Variants in SDR42E1 observed in about 807,000 individuals in gnomAD.
SDR42E1 encodes the protein short chain dehydrogenase/reductase family 42E, member 1.
Under a neutral mutation model 2.6 loss-of-function variants are expected in SDR42E1, and 5 were observed. That is an observed-to-expected ratio of 1.94 (90% confidence interval 1.01 to 4.08). The LOEUF is 4.08. Among genes scored for constraint, SDR42E1 ranks in the 30% most tolerant of loss-of-function variants. SDR42E1 has a pLI of 0.00. For missense variants in SDR42E1, 596 were observed against 478.6 expected, an observed-to-expected ratio of 1.25 and a Z score of -2.29; for synonymous variants, 231 against 188.3, an observed-to-expected ratio of 1.23 and a Z score of -1.86.
At chr16:82,008,008 G>C (rs9926634) in intron 1 of SDR42E1, 3 of 152,044 alleles carry the variant, frequency 2.0e-5, no homozygotes, top group Non-Finnish European at 4.4e-5. Context: ...GGAGGGACCC[G>C]GTAGGAGGTA....
chr16:81,988,965 T>C lies in SDR42E1; in HGVS notation c.*10146A>G, dbSNP rs1002302946. 6.6e-6 allele frequency: 1 copy of C among 152,240 alleles called. No homozygotes were observed. Among genetic ancestry groups the C allele is most frequent in the Admixed American group, 6.5e-5 (1 of 15,282 alleles). The allele number at this position is 152,240 out of a possible 1,614,324, so 9.4% of individuals were successfully genotyped here. Reference sequence around the variant, plus strand: ...TATTCTAGTACAAAATGAGATTTTTTCCCCTCAAAATCAGTTCACAATAAC... The same window carrying C: ...TATTCTAGTACAAAATGAGATTTTTCCCCCTCAAAATCAGTTCACAATAAC... On this transcript the variant is annotated 3_prime_UTR_variant, in exon 3 of 3. Coordinates refer to ENST00000328945, the MANE Select transcript of SDR42E1 (RefSeq NM_145168.3).
chr16:82,002,593 A>G (rs1392568944), intron 1 of SDR42E1, among the ~76,000 whole-genome samples: 1 of 152,146 alleles, frequency 6.6e-6, no homozygotes, highest in African/African-American at 2.4e-5. Context: ...CAGTAAATAA[A>G]CTTGCCCAAG....
chr16:81,998,880 C>G lies in SDR42E1; in HGVS notation c.*231G>C. 1 of 561,238 alleles carries G rather than the reference C, an allele frequency of 1.8e-6. No homozygotes were observed. Among genetic ancestry groups the G allele is most frequent in the Non-Finnish European group, 3.1e-6 (1 of 321,738 alleles). 34.8% of individuals were successfully genotyped at this position (561,238 alleles called of 1,614,324 possible). A position where few individuals can be genotyped will look rare whatever the true frequency, so the allele number is the denominator to read the frequency against. On this transcript the variant is annotated 3_prime_UTR_variant, in exon 3 of 3. Coordinates refer to ENST00000328945, the MANE Select transcript of SDR42E1 (RefSeq NM_145168.3). The stretch of plus-strand genomic sequence containing the variant: ...TGACTTCTATTGTACCCACCTAAAA[C>G]AGAAGCACATAACAAATCAAATTTC...
rs1336377266 is a variant in SDR42E1 at position 81,999,096 on chromosome 16, T to C, written c.*15A>G. ...ATCTCAGCCAACTGTGATCACCTTA[T>C]TTCTGGCCCCTCCTTCACAGTGACA... On this transcript the variant is annotated 3_prime_UTR_variant, in exon 3 of 3. Coordinates refer to ENST00000328945, the MANE Select transcript of SDR42E1 (RefSeq NM_145168.3). The C allele has an allele frequency of 3.1e-6, 5 of 1,609,092 alleles. No individual in the cohort carries two copies. The highest frequency in any genetic ancestry group is 4.2e-6 in the Non-Finnish European group (5 of 1,177,892).
chr16:82,001,032 A>G, intron 1 of SDR42E1, 148 bp from the exon 2 acceptor site: 2 of 565,224 alleles, frequency 3.5e-6, no homozygotes, highest in Non-Finnish European at 6.2e-6. Context: ...TCATTTAGCT[A>G]CTTTCCCTTC....
At chr16:82,001,181 C>T (rs1448032265) in intron 1 of SDR42E1, among the ~76,000 whole-genome samples, 4 of 152,148 alleles carry the variant, frequency 2.6e-5, no homozygotes, top group Non-Finnish European at 5.9e-5. Flanking sequence ...ACGTTTCGAA[C>T]ATAAGGCATT....
Position 81,999,683 on chromosome 16 carries a change from T to A in SDR42E1, c.610A>T (p.Ile204Phe). ...ACAAACTTGAACAGACCCTTCTCGATGTAGCTGACTATCCTGGGAAGGTGT... is the reference window on the plus strand; with the variant it reads ...ACAAACTTGAACAGACCCTTCTCGAAGTAGCTGACTATCCTGGGAAGGTGT... The part of the protein sequence containing the change: ...QRHLPRIVSY[I>F]EKGLFKFVYG... Residue 204 changes from isoleucine to phenylalanine, a missense_variant, in exon 3 of 3, where the codon ATC (isoleucine) becomes TTC (phenylalanine). Ile to Phe is a conservative substitution (Grantham distance 21). Coordinates refer to ENST00000328945, the MANE Select transcript of SDR42E1 (RefSeq NM_145168.3). 2 of 1,614,220 alleles carry A rather than the reference T, an allele frequency of 1.2e-6. 1 individual carries two copies. The highest frequency in any genetic ancestry group is 2.2e-5 in the South Asian group (2 of 91,090).
intron 1 of SDR42E1, among the ~76,000 whole-genome samples, chr16:82,004,864 G>A (rs970177114): frequency 1.3e-5 from 2 of 152,246 alleles, no homozygotes; most frequent in Non-Finnish European, 2.9e-5. Flanking sequence ...TGAAATCAGG[G>A]TGAGGGCTGG....
chr16:81,996,475 G>T lies in SDR42E1; in HGVS notation c.*2636C>A, dbSNP rs1912544423. On this transcript the variant is annotated 3_prime_UTR_variant, in exon 3 of 3. Coordinates refer to ENST00000328945, the MANE Select transcript of SDR42E1 (RefSeq NM_145168.3). ...GTGGAGATATTTACTAAGGAAGGGA[G>T]CCCTGTAAGAATTTGGGGTGGGAGA... The T allele has an allele frequency of 6.6e-6, 1 of 152,188 alleles. No homozygotes were observed. Among genetic ancestry groups the T allele is most frequent in the African/African-American group, 2.4e-5 (1 of 41,418 alleles). The allele number at this position is 152,188 out of a possible 1,614,324, so 9.4% of individuals were successfully genotyped here.
Position 82,000,785 on chromosome 16 carries a change from A to C in SDR42E1, c.68+6T>G, listed in dbSNP as rs1597177033. ...TTCCATGTGTATATTTTATAGATAC[A>C]CTTACCGAAAACCAAAATAGCCACT... On this transcript the variant is annotated splice_donor_region_variant and intron_variant, in intron 2 of 2. Transcript: ENST00000328945. The C allele has an allele frequency of 1.9e-6, 3 of 1,602,880 alleles. No individual in the cohort carries two copies. Among genetic ancestry groups the C allele is most frequent in the Non-Finnish European group, 1.7e-6 (2 of 1,170,692 alleles).
At position 81,999,585 on chromosome 16, in the gene SDR42E1, T is replaced by C. The variant is rs1392730938; in HGVS notation, c.708A>G (p.Ser236=). The C allele has an allele frequency of 6.2e-7, 1 of 1,614,034 alleles. No homozygotes were observed. The highest frequency in any genetic ancestry group is 8.5e-7 in the Non-Finnish European group (1 of 1,180,032). The change falls in exon 3 of 3, where the codon TCA becomes TCG. Residue 236 remains serine, a synonymous_variant. Coordinates refer to ENST00000328945, the MANE Select transcript of SDR42E1 (RefSeq NM_145168.3). ...DNLVQAHILA[S]EALRADKGHI... ...GGCCCTTGTCAGCTCTCAGGGCTTC[T>C]GAGGCCAGAATGTGAGCCTGCACCA...
rs536296854 is a variant in SDR42E1 at position 81,993,463 on chromosome 16, C to G, written c.*5648G>C. On this transcript the variant is annotated 3_prime_UTR_variant, in exon 3 of 3. Coordinates refer to ENST00000328945, the MANE Select transcript of SDR42E1 (RefSeq NM_145168.3). ...CATTGGTTCTGATCATTCCCCTGCC[C>G]CCGTGCTTTTCTGGTTGTTACAGTG... 2 of 152,142 alleles carry G rather than the reference C, an allele frequency of 1.3e-5. No homozygotes were observed. Among genetic ancestry groups the G allele is most frequent in the Admixed American group, 1.3e-4 (2 of 15,268 alleles). 9.4% of individuals were successfully genotyped at this position (152,142 alleles called of 1,614,324 possible).
intron 2 of SDR42E1, 109 bp downstream of exon 2, chr16:82,000,682 G>A (rs969953020): frequency 5.0e-6 from 4 of 794,986 alleles, no homozygotes; most frequent in African/African-American, 3.5e-5. Context: ...GATCATTTCT[G>A]GTTTGACATT....
rs1392391637 is a variant in SDR42E1, at chr16:81,989,560, A to G, written c.*9551T>C. 4 of 152,248 alleles carry G rather than the reference A, an allele frequency of 2.6e-5. No individual in the cohort carries two copies. Among genetic ancestry groups the G allele is most frequent in the African/African-American group, 9.6e-5 (4 of 41,458 alleles). The allele number at this position is 152,248 out of a possible 1,614,324, so 9.4% of individuals were successfully genotyped here. A position where few individuals can be genotyped will look rare whatever the true frequency, so the allele number is the denominator to read the frequency against. On this transcript the variant is annotated 3_prime_UTR_variant, in exon 3 of 3. Transcript: ENST00000328945. ...CTTTCTAGCCCCACAATTTAAAACCAACACACACCGCTATGGGTGTTTATA... is the reference window on the plus strand; with the variant it reads ...CTTTCTAGCCCCACAATTTAAAACCGACACACACCGCTATGGGTGTTTATA...
intron 1 of SDR42E1, among the ~76,000 whole-genome samples, chr16:82,006,957 G>A (rs1051522078): frequency 1.3e-5 from 2 of 152,222 alleles, no homozygotes; most frequent in African/African-American, 4.8e-5. Flanking sequence ...ATAATTCAGG[G>A]TCATCACCTG....
intron 1 of SDR42E1, among the ~76,000 whole-genome samples, chr16:82,006,060 C>G (rs1233823715): frequency 1.3e-5 from 2 of 152,128 alleles, no homozygotes; most frequent in South Asian, 2.1e-4. Context: ...TCCTTCATCC[C>G]TATGAGTTCA....
Position 81,998,299 on chromosome 16 carries a change from A to C in SDR42E1, c.*812T>G, listed in dbSNP as rs1366104058. On this transcript the variant is annotated 3_prime_UTR_variant, in exon 3 of 3. Transcript: ENST00000328945. The stretch of plus-strand genomic sequence containing the variant: ...GCCTTCTTAGAGGCCTAAACTTTAC[A>C]AATAGAGTATATCCAAATACACTTG... The C allele has an allele frequency of 6.6e-6, 1 of 152,182 alleles. No homozygotes were observed. Among genetic ancestry groups the C allele is most frequent in the East Asian group, 1.9e-4 (1 of 5,198 alleles). The allele number at this position is 152,182 out of a possible 1,614,324, so 9.4% of individuals were successfully genotyped here. A position where few individuals can be genotyped will look rare whatever the true frequency, so the allele number is the denominator to read the frequency against.
rs1654281186 is a variant in SDR42E1, at chr16:81,995,638, A to T, written c.*3473T>A. 1 of 152,212 alleles carries T rather than the reference A, an allele frequency of 6.6e-6. No individual in the cohort carries two copies. Among genetic ancestry groups the T allele is most frequent in the African/African-American group, 2.4e-5 (1 of 41,448 alleles). The allele number at this position is 152,212 out of a possible 1,614,324, so 9.4% of individuals were successfully genotyped here. A position where few individuals can be genotyped will look rare whatever the true frequency, so the allele number is the denominator to read the frequency against. On this transcript the variant is annotated 3_prime_UTR_variant, in exon 3 of 3. Coordinates refer to ENST00000328945, the MANE Select transcript of SDR42E1 (RefSeq NM_145168.3). ...CTAGTGTAGGTTGGCTATTTTCCCC[A>T]GTCTCCAAAAGATTAGAAACAGTGA...
rs1410190892 is a variant in SDR42E1 at position 81,989,037 on chromosome 16, T to C, written c.*10074A>G. The C allele has an allele frequency of 6.6e-6, 1 of 152,178 alleles. No individual in the cohort carries two copies. The highest frequency in any genetic ancestry group is 1.5e-5 in the Non-Finnish European group (1 of 68,038). The allele number at this position is 152,178 out of a possible 1,614,324, so 9.4% of individuals were successfully genotyped here. A position where few individuals can be genotyped will look rare whatever the true frequency, so the allele number is the denominator to read the frequency against. ...AAATGCTTAATTCTTCATATAACTA[T>C]GTGTCTTATATATAGGGTGATCGTA... On this transcript the variant is annotated 3_prime_UTR_variant, in exon 3 of 3. Transcript: ENST00000328945.
Sources: gnomAD v4.1 joint callset for allele counts (sites outside exome capture counted in the v4.1 genomes callset) on GRCh38, gnomAD v4.1.1 for gene constraint, MANE v1.5 for transcripts, NCBI Gene and HGNC (gene_info 2026-07-23, HGNC 2026-07-21) for gene names.